CLDN16: variants seen among roughly 807,000 people sequenced by gnomAD.
CLDN16 encodes the protein claudin 16.
Under a neutral mutation model 24.6 loss-of-function variants are expected in CLDN16, and 13 were observed. The ratio of observed to expected loss-of-function variants is 0.53; its 90% confidence interval spans 0.34 to 0.84. The LOEUF (loss-of-function observed/expected upper bound fraction) is 0.84, where lower values mean the gene tolerates loss of function less well. Ranked by LOEUF, CLDN16 falls within the 40% of genes least tolerant of loss-of-function variation. CLDN16 has a pLI of 0.01. For synonymous variants in CLDN16, 116 were observed against 106.7 expected, an observed-to-expected ratio of 1.09 and a Z score of -0.54; for missense variants, 298 against 292.7, an observed-to-expected ratio of 1.02 and a Z score of -0.13.
Position 190,324,137 on chromosome 3 carries a change from C to CT in CLDN16, n.121+1484dup, listed in dbSNP as rs113909519. 1.4e-4 allele frequency among the ~76,000 whole-genome samples: 21 copies of CT among 152,164 alleles called. 1 individual carries two copies. Among genetic ancestry groups the CT allele is most frequent in the African/African-American group, 4.6e-4 (19 of 41,526 alleles). The stretch of plus-strand genomic sequence containing the variant: ...GTGAATCATATAATCTCATTTTCTT[C>CT]TTTTTTTTGTTCCAAACATTTAAGA... On this transcript the variant is annotated intron_variant and non_coding_transcript_variant, in intron 1 of 4. Transcript: ENST00000468220.
At chr3:190,307,328 A>C in the CLDN16 span, 2 of 152,334 alleles carry the variant, frequency 1.3e-5, no homozygotes, top group East Asian at 3.9e-4. Flanking sequence ...GGGGAACAAA[A>C]AGGTAGTTTA....
At chr3:190,313,841 C>T in the CLDN16 span, among the ~76,000 whole-genome samples, 1 of 152,110 alleles carries the variant, frequency 6.6e-6, no homozygotes, top group Non-Finnish European at 1.5e-5. Flanking sequence ...ATCAAATAAA[C>T]AGGGTCAAGT....
At chr3:190,311,688 T>C in the CLDN16 span, among the ~76,000 whole-genome samples, 1 of 150,986 alleles carries the variant, frequency 6.6e-6, no homozygotes, top group Non-Finnish European at 1.5e-5. Context: ...TAGTCTATTA[T>C]TATAGCTGTA....
At chr3:190,362,573 T>G (rs1263201458) in intron 1 of CLDN16, among the ~76,000 whole-genome samples, 2 of 151,988 alleles carry the variant, frequency 1.3e-5, no homozygotes, top group Non-Finnish European at 2.9e-5. Context: ...TTACTCTTTC[T>G]CCATTGCAAT....
In CLDN16 at chr3:190,408,624, T is replaced by C; in HGVS notation, c.574+119T>C. 4.3e-6 allele frequency: 4 copies of C among 936,216 alleles called. No individual in the cohort carries two copies. In the South Asian group the frequency reaches 5.9e-5, roughly 14 times the overall value. 58.0% of individuals were successfully genotyped at this position (936,216 alleles called of 1,614,324 possible). On this transcript the variant is annotated intron_variant, in intron 4 of 4. Coordinates refer to ENST00000264734, the MANE Select transcript of CLDN16 (RefSeq NM_006580.4). ...TATTTGAATTCCTACCTATTGCCAT[T>C]AAAAATTCCAATTGTTCAAGGGCAA...
intron 1 of CLDN16, among the ~76,000 whole-genome samples, chr3:190,324,407 C>T (rs981082625): frequency 3.3e-5 from 5 of 152,090 alleles, no homozygotes; most frequent in African/African-American, 4.8e-5. Flanking sequence ...TGCTTGAACC[C>T]GGGAGGCGGA....
rs114175367 is a variant in CLDN16 at position 190,333,659 on chromosome 3, T to C, written n.121+10998T>C. Among the ~76,000 whole-genome samples, 699 of 152,264 alleles carry C rather than the reference T, an allele frequency of 4.6e-3. 6 individuals carry two copies. The highest frequency in any genetic ancestry group is 0.016 in the African/African-American group (663 of 41,556). On this transcript the variant is annotated intron_variant and non_coding_transcript_variant, in intron 1 of 4. Coordinates refer to the CLDN16 transcript ENST00000468220. ...CTAATGTTCAGCAGCCCATTGTGCA[T>C]GCCACACTTACTAAAATCTTATCAT...
rs146727044 is a variant in CLDN16, at chr3:190,402,361, T to G, written c.139T>G (p.Trp47Gly). ...GGTGAGCACAAAATGCCGAGGCCTC[T>G]GGTGGGAATGCGTCACAAATGCTTT... ...LEVSTKCRGL[W>G]WECVTNAFDG... Residue 47 changes from tryptophan to glycine, a missense_variant, in exon 2 of 5, where the codon TGG (tryptophan) becomes GGG (glycine). By Grantham distance (184) the Trp-to-Gly change is radical (BLOSUM62 -2). Coordinates refer to ENST00000264734, the MANE Select transcript of CLDN16 (RefSeq NM_006580.4). 2 of 1,614,058 alleles carry G rather than the reference T, an allele frequency of 1.2e-6. No homozygotes were observed. Among genetic ancestry groups the G allele is most frequent in the African/African-American group, 1.3e-5 (1 of 75,036 alleles).
chr3:190,353,564 A>G (rs1717710773), intron 1 of CLDN16, among the ~76,000 whole-genome samples: 1 of 152,134 alleles, frequency 6.6e-6, no homozygotes, highest in Non-Finnish European at 1.5e-5. Context: ...TGAAATAAAC[A>G]CTAGTTTAAA....
the CLDN16 span, among the ~76,000 whole-genome samples, chr3:190,311,452 A>G: frequency 6.6e-6 from 1 of 152,210 alleles, no homozygotes; most frequent in Non-Finnish European, 1.5e-5. Context: ...TAGCAAAGCC[A>G]CAGATACTCT....
the CLDN16 span, among the ~76,000 whole-genome samples, chr3:190,294,099 G>A: frequency 6.6e-6 from 1 of 152,154 alleles, no homozygotes; most frequent in Non-Finnish European, 1.5e-5. Flanking sequence ...CCTGAGAATT[G>A]CTTTCTGTTG....
chr3:190,344,787 A>C (rs3909581), intron 1 of CLDN16, among the ~76,000 whole-genome samples: 7,181 of 152,098 alleles, frequency 0.047, 566 homozygotes, highest in African/African-American at 0.16. Context: ...GAGTTGCAAA[A>C]ATTAGGCCAA....
intron 1 of CLDN16, among the ~76,000 whole-genome samples, chr3:190,341,870 A>C (rs776450021): frequency 6.6e-6 from 1 of 152,090 alleles, no homozygotes; most frequent in African/African-American, 2.4e-5. Flanking sequence ...CATCTCTCTC[A>C]AGTTCAAAGA....
At chr3:190,384,848 G>A (rs1322748925), upstream of CLDN16, among the ~76,000 whole-genome samples, 1 of 152,156 alleles carries the variant, frequency 6.6e-6, no homozygotes, top group Non-Finnish European at 1.5e-5. Context: ...GAGCTTAGAT[G>A]AGATAATATA....
chr3:190,328,070 G>T (rs1717105688), intron 1 of CLDN16, among the ~76,000 whole-genome samples: 1 of 151,652 alleles, frequency 6.6e-6, no homozygotes, highest in Admixed American at 6.6e-5. Context: ...TTACTTGATT[G>T]CAGGAGCTCG....
At chr3:190,334,198 G>C (rs533856485) in intron 1 of CLDN16, among the ~76,000 whole-genome samples, 1 of 152,182 alleles carries the variant, frequency 6.6e-6, no homozygotes, top group Non-Finnish European at 1.5e-5. Flanking sequence ...AGTGATTGTT[G>C]TTAGGATAAA....
chr3:190,332,125 A>G (rs568188597), intron 1 of CLDN16, among the ~76,000 whole-genome samples: 1 of 152,356 alleles, frequency 6.6e-6, no homozygotes, highest in African/African-American at 2.4e-5. Context: ...GTGCCATGTA[A>G]TATAACATAT....
chr3:190,369,230 C>A (rs1171929035), intron 1 of CLDN16, among the ~76,000 whole-genome samples: 2 of 151,912 alleles, frequency 1.3e-5, no homozygotes, highest in Non-Finnish European at 2.9e-5. Context: ...AAGTCACTGC[C>A]TCCAAGGAGA....
the CLDN16 span, among the ~76,000 whole-genome samples, chr3:190,313,402 T>A: frequency 6.6e-6 from 1 of 152,244 alleles, no homozygotes; most frequent in African/African-American, 2.4e-5. Context: ...TAATTTTAAG[T>A]AACAATCATA....
Sources: allele counts gnomAD v4.1 joint callset (sites outside exome capture counted in the v4.1 genomes callset), GRCh38; gene constraint gnomAD v4.1.1; transcripts MANE v1.5; gene names NCBI Gene and HGNC (gene_info 2026-07-23, HGNC 2026-07-21).